Variants in LDAH observed in about 807,000 individuals in gnomAD.
LDAH encodes lipid droplet-associated hydrolase.
Under a neutral mutation model 29.6 loss-of-function variants are expected in LDAH, and 26 were observed. The observed-to-expected ratio is 0.88, with a 90% CI of 0.64 to 1.22. The LOEUF (loss-of-function observed/expected upper bound fraction) is 1.22, where lower values mean the gene tolerates loss of function less well. LDAH is among the 50% of genes most tolerant of loss of function. The pLI is 0.00. For synonymous variants in LDAH, 117 were observed against 133.0 expected, an observed-to-expected ratio of 0.88 and a Z score of 0.83; for missense variants, 344 against 387.3, an observed-to-expected ratio of 0.89 and a Z score of 0.94.
intron 4 of LDAH, among the ~76,000 whole-genome samples, chr2:20,741,334 C>T (rs1667161363): frequency 6.6e-6 from 1 of 152,154 alleles, no homozygotes; most frequent in African/African-American, 2.4e-5. Flanking sequence ...AAAAAGTCAT[C>T]ATCATATCCA....
chr2:20,732,125 T>G (rs1558422236), intron 5 of LDAH, among the ~76,000 whole-genome samples: 3 of 152,166 alleles, frequency 2.0e-5, no homozygotes, highest in African/African-American at 4.8e-5. Context: ...TTTCCCTGCA[T>G]CGGTTGATAG....
intron 4 of LDAH, among the ~76,000 whole-genome samples, chr2:20,768,158 C>T (rs1029746875): frequency 2.0e-5 from 3 of 152,200 alleles, no homozygotes; most frequent in Non-Finnish European, 4.4e-5. Flanking sequence ...GAACTCAGGA[C>T]CTGATGAGTG....
chr2:20,751,928 T>C (rs1444307720), intron 4 of LDAH, among the ~76,000 whole-genome samples: 1 of 152,208 alleles, frequency 6.6e-6, no homozygotes, highest in African/African-American at 2.4e-5. Context: ...TCTTGCTCTG[T>C]TGCCCAAGCT....
At chr2:20,742,791 T>C (rs1057219878) in intron 4 of LDAH, among the ~76,000 whole-genome samples, 1 of 134,414 alleles carries the variant, frequency 7.4e-6, no homozygotes, top group Non-Finnish European at 1.5e-5. Context: ...CTTTTCTTTT[T>C]CCTTTTTTTT....
chr2:20,775,073 A>C (rs1348777759), intron 3 of LDAH, 94 bp from the exon 4 acceptor site: 16 of 1,133,760 alleles, frequency 1.4e-5, no homozygotes, highest in Non-Finnish European at 1.7e-5. Flanking sequence ...AAAAGCAGTT[A>C]CCATTTATCG....
At chr2:20,811,903 T>C (rs563291495) in intron 1 of LDAH, among the ~76,000 whole-genome samples, 1 of 152,294 alleles carries the variant, frequency 6.6e-6, no homozygotes, top group East Asian at 1.9e-4. Flanking sequence ...TTAGATTATT[T>C]TGATAATAAT....
intron 5 of LDAH, among the ~76,000 whole-genome samples, chr2:20,712,544 G>A (rs1047947550): frequency 6.6e-6 from 1 of 152,288 alleles, no homozygotes. Context: ...GACATTATGA[G>A]TTGACAGAAG....
At chr2:20,725,514 G>A (rs1665950775) in intron 5 of LDAH, among the ~76,000 whole-genome samples, 1 of 152,200 alleles carries the variant, frequency 6.6e-6, no homozygotes, top group South Asian at 2.1e-4. Flanking sequence ...TCTTACCTCA[G>A]TGTTTGGTAG....
chr2:20,757,639 G>T (rs56123848), intron 4 of LDAH, among the ~76,000 whole-genome samples: 26,700 of 152,170 alleles, frequency 0.18, 2,875 homozygotes, highest in Admixed American at 0.25. Context: ...GGGTGTTTCT[G>T]GCTGAGATTA....
At chr2:20,762,406 C>A (rs571902007) in intron 4 of LDAH, among the ~76,000 whole-genome samples, 1 of 152,126 alleles carries the variant, frequency 6.6e-6, no homozygotes. Flanking sequence ...TCCTTTACCC[C>A]TAACCACCAG....
chr2:20,809,797 A>G (rs754515325), intron 1 of LDAH, among the ~76,000 whole-genome samples: 2 of 152,226 alleles, frequency 1.3e-5, no homozygotes, highest in Non-Finnish European at 2.9e-5. Flanking sequence ...AATACCATTC[A>G]GGGAGGAGAC....
intron 3 of LDAH, among the ~76,000 whole-genome samples, chr2:20,789,737 C>A (rs555713689): frequency 6.6e-6 from 1 of 152,156 alleles, no homozygotes; most frequent in South Asian, 2.1e-4. Context: ...TGAGCATTAC[C>A]GCCTGAGCTC....
chr2:20,716,527 T>C (rs1293780338), intron 5 of LDAH, among the ~76,000 whole-genome samples: 1 of 125,774 alleles, frequency 8.0e-6, no homozygotes, highest in African/African-American at 3.1e-5. Context: ...AATTGAACAA[T>C]GAGAACACTT....
At chr2:20,798,544 G>A (rs1232575303) in intron 2 of LDAH, among the ~76,000 whole-genome samples, 1 of 149,648 alleles carries the variant, frequency 6.7e-6, no homozygotes, top group African/African-American at 2.4e-5. Flanking sequence ...ATTCCCTATA[G>A]GCTTAGCTAT....
Position 20,705,298 on chromosome 2 carries a change from C to T in LDAH, c.704-3646G>A, listed in dbSNP as rs1016430098. On this transcript the variant is annotated intron_variant, in intron 5 of 6. Coordinates refer to ENST00000237822, the MANE Select transcript of LDAH (RefSeq NM_021925.4). ...TACTTCCCTTTGTCCTGCCCCTATC[C>T]CATCTCCTTATCCTCAAACTCAGCT... is the stretch of plus-strand genomic sequence containing the variant. 3.9e-5 allele frequency among the ~76,000 whole-genome samples: 6 copies of T among 152,114 alleles called. No individual in the cohort carries two copies. The East Asian group carries it at 1.2e-3, about 29-fold the overall frequency.
In LDAH at chr2:20,802,062, C is replaced by T. The variant is rs1427967808; in HGVS notation, c.-2-597G>A. 2.6e-5 allele frequency among the ~76,000 whole-genome samples: 4 copies of T among 151,434 alleles called. No homozygotes were observed. In the East Asian group the frequency reaches 7.7e-4, roughly 29 times the overall value. The stretch of plus-strand genomic sequence containing the variant: ...CTATATCTATCTATCTATATACACA[C>T]ACAATATACATGTATATATATATAC... On this transcript the variant is annotated intron_variant, in intron 1 of 6. Coordinates refer to ENST00000237822, the MANE Select transcript of LDAH (RefSeq NM_021925.4).
At chr2:20,732,073 C>T (rs1342268936) in intron 5 of LDAH, among the ~76,000 whole-genome samples, 1 of 152,042 alleles carries the variant, frequency 6.6e-6, no homozygotes, top group East Asian at 1.9e-4. Flanking sequence ...ACATCTTTGT[C>T]TTGTTTCTAG....
intron 5 of LDAH, among the ~76,000 whole-genome samples, chr2:20,736,560 G>A (rs566700327): frequency 1.3e-5 from 2 of 152,248 alleles, no homozygotes; most frequent in African/African-American, 2.4e-5. Flanking sequence ...TGGGCAAAAG[G>A]ATTATTTTAA....
intron 4 of LDAH, among the ~76,000 whole-genome samples, chr2:20,772,262 A>G (rs1669484923): frequency 6.6e-6 from 1 of 152,252 alleles, no homozygotes; most frequent in African/African-American, 2.4e-5. Context: ...TCCAAAATGA[A>G]TATTTTCTTT....
Sources: gnomAD v4.1 joint callset for allele counts (sites outside exome capture counted in the v4.1 genomes callset) on GRCh38, gnomAD v4.1.1 for gene constraint, MANE v1.5 for transcripts, NCBI Gene and HGNC (gene_info 2026-07-23, HGNC 2026-07-21) for gene names.